The following KRTAP10-3 variants were observed in gnomAD, a reference collection of about 807,000 sequenced individuals.
KRTAP10-3 encodes the protein keratin-associated protein 10-3.
For synonymous variants in KRTAP10-3, 151 were observed against 126.2 expected, an observed-to-expected ratio of 1.20 and a Z score of -1.32; for missense variants, 341 against 293.4, an observed-to-expected ratio of 1.16 and a Z score of -1.19.
In KRTAP10-3 at chr21:44,558,158, G is replaced by T. The variant is rs1555920210; in HGVS notation, c.558C>A (p.Pro186=). The change falls in exon 1 of 1, where the codon CCC becomes CCA. Residue 186 remains proline (P), a synonymous_variant. Transcript: ENST00000391620. ...CGCAGGAGGCCGGGCGGCAGCAGCT[G>T]GGCTGGCAGGTGGAGGCAGGGGCAC... ...SCCAPASTCQ[P]SCCRPASCVS... 5.0e-6 allele frequency: 8 copies of T among 1,611,402 alleles called. No homozygotes were observed. The highest frequency in any genetic ancestry group is 1.7e-4 in the Middle Eastern group (1 of 6,054).
Position 44,557,977 on chromosome 21 carries a change from G to A in KRTAP10-3, c.*73C>T. ...CTATGGGCAGAGGAGACTCAGACAG[G>A]GCTCAGGGCTGCAAGGATTTTCGGA... On this transcript the variant is annotated 3_prime_UTR_variant, in exon 1 of 1. Transcript: ENST00000391620. 6.5e-7 allele frequency: 1 copy of A among 1,528,136 alleles called. No homozygotes were observed. Among genetic ancestry groups the A allele is most frequent in the Non-Finnish European group, 8.9e-7 (1 of 1,129,806 alleles). The allele number at this position is 1,528,136 out of a possible 1,614,324, so 94.7% of individuals were successfully genotyped here.
At position 44,558,191 on chromosome 21, in the gene KRTAP10-3, G is replaced by C; in HGVS notation, c.525C>G (p.Pro175=). 1 of 1,552,174 alleles carries C rather than the reference G, an allele frequency of 6.4e-7. No homozygotes were observed. Among genetic ancestry groups the C allele is most frequent in the East Asian group, 2.3e-5 (1 of 42,694 alleles). The change falls in exon 1 of 1, where the codon CCC becomes CCG. Residue 175 remains proline (P), a synonymous_variant. Transcript: ENST00000391620. ...VCRSTCCVPI[P]SCCAPASTCQ... ...AGGTGGAGGCAGGGGCACAGCAGGA[G>C]GGGATGGGCACACAGCAGGTGGACC...
rs377599185 is a variant in KRTAP10-3 at position 44,558,627 on chromosome 21, G to C, written c.89C>G (p.Pro30Arg). The change falls in exon 1 of 1, where the codon CCC (proline) becomes CGC (arginine). Residue 30 changes from proline to arginine, a missense_variant. Physicochemically the swap from Pro to Arg is moderately radical, Grantham distance 103. Transcript: ENST00000391620. ...DACPESCCEP[P>R]CCATSCCAPA... ...GGCGCAGCAGCTGGTGGCGCAGCAG[G>C]GGGGCTCACAGCAGCTCTCTGGGCA... is the stretch of plus-strand genomic sequence containing the variant. 3.7e-6 allele frequency: 6 copies of C among 1,611,448 alleles called. No homozygotes were observed. The highest frequency in any genetic ancestry group is 5.1e-6 in the Non-Finnish European group (6 of 1,178,912).
In KRTAP10-3 at chr21:44,558,090, G is replaced by A. The variant is rs76994627; in HGVS notation, c.626C>T (p.Ala209Val). ...CRPTCSRLSS[A>V]CCGLSSGQKS... ...CTGGCCTGAGGAGAGGCCGCAGCAC[G>A]CGGAAGAGAGGCGGGAGCACGTGGG... Residue 209 changes from alanine (A) to valine (V), a missense_variant, in exon 1 of 1, where the codon GCG becomes GTG. Ala to Val is a moderately conservative substitution (Grantham distance 64). Transcript: ENST00000391620. 1.3e-3 allele frequency: 2,076 copies of A among 1,612,522 alleles called. 39 individuals are homozygous for A. The African/African-American group carries it at 0.025, about 19-fold the overall frequency.
chr21:44,557,908 G>A lies in KRTAP10-3; in HGVS notation c.*142C>T, dbSNP rs1462428712. On this transcript the variant is annotated 3_prime_UTR_variant, in exon 1 of 1. Coordinates refer to ENST00000391620, the MANE Select transcript of KRTAP10-3 (RefSeq NM_198696.3). The stretch of plus-strand genomic sequence containing the variant: ...TGTGGGAGAGATGCATGCCTGGAGG[G>A]AATCGGCATGAAAGCTCAGCATTGC... 6.1e-6 allele frequency: 6 copies of A among 980,808 alleles called. No individual in the cohort carries two copies. In the East Asian group the frequency reaches 1.6e-4, roughly 26 times the overall value. The allele number at this position is 980,808 out of a possible 1,614,324, so 60.8% of individuals were successfully genotyped here. A position where few individuals can be genotyped will look rare whatever the true frequency, so the allele number is the denominator to read the frequency against.
In KRTAP10-3 at chr21:44,558,549, G is replaced by T. The variant is rs782243554; in HGVS notation, c.167C>A (p.Pro56His). ...VCTPVSCVSS[P>H]CCQAACEPSP... ...GGGCTCACAGGCCGCCTGGCAGCAG[G>T]GGCTGGACACACAGCTCACTGGGGT... Residue 56 changes from proline to histidine, a missense_variant, in exon 1 of 1, where the codon CCC becomes CAC. Pro to His is a moderately conservative substitution (Grantham distance 77, BLOSUM62 -2). Transcript: ENST00000391620. The T allele has an allele frequency of 8.1e-6, 13 of 1,613,252 alleles. No homozygotes were observed. Among genetic ancestry groups the T allele is most frequent in the African/African-American group, 1.3e-5 (1 of 74,886 alleles).
At position 44,558,597 on chromosome 21, in the gene KRTAP10-3, G is replaced by A; in HGVS notation, c.119C>T (p.Ala40Val). 1 of 1,611,796 alleles carries A rather than the reference G, an allele frequency of 6.2e-7. No homozygotes were observed. Among genetic ancestry groups the A allele is most frequent in the Non-Finnish European group, 8.5e-7 (1 of 1,179,016 alleles). The change falls in exon 1 of 1, where the codon GCC (alanine) becomes GTC (valine). Residue 40 changes from alanine to valine, a missense_variant. Coordinates refer to ENST00000391620, the MANE Select transcript of KRTAP10-3 (RefSeq NM_198696.3). ...GGTGCAGACCAGGGTCAGGCAGGGG[G>A]CCGGGGCGCAGCAGCTGGTGGCGCA... Reference protein sequence around the residue: ...PCCATSCCAPAPCLTLVCTPV... With the variant: ...PCCATSCCAPVPCLTLVCTPV...
In KRTAP10-3 at chr21:44,558,774, T is replaced by C. The variant is rs1307255540; in HGVS notation, c.-59A>G. The C allele has an allele frequency of 4.6e-5, 71 of 1,544,740 alleles. No homozygotes were observed. Among genetic ancestry groups the C allele is most frequent in the Non-Finnish European group, 6.0e-5 (68 of 1,142,710 alleles). ...GTGAGTGAGTGAGTGTGGGAGTGAG[T>C]GAGGGAGTGAGTGAGTGATCGTGCC... On this transcript the variant is annotated 5_prime_UTR_variant, in exon 1 of 1. Transcript: ENST00000391620.
In KRTAP10-3 at chr21:44,558,096, G is replaced by A. The variant is rs587627364; in HGVS notation, c.620C>T (p.Ser207Phe). 1 of 1,609,036 alleles carries A rather than the reference G, an allele frequency of 6.2e-7. No homozygotes were observed. Among genetic ancestry groups the A allele is most frequent in the African/African-American group, 1.3e-5 (1 of 74,914 alleles). The change falls in exon 1 of 1, where the codon TCT becomes TTT. Residue 207 changes from serine to phenylalanine, a missense_variant. Transcript: ENST00000391620. Reference sequence around the variant, plus strand: ...TGAGGAGAGGCCGCAGCACGCGGAAGAGAGGCGGGAGCACGTGGGGCGGCA... The same window carrying A: ...TGAGGAGAGGCCGCAGCACGCGGAAAAGAGGCGGGAGCACGTGGGGCGGCA... ...LLCRPTCSRL[S>F]SACCGLSSGQ...
rs587674129 is a variant in KRTAP10-3 at position 44,558,536 on chromosome 21, C to T, written c.180G>A (p.Ala60=). The T allele has an allele frequency of 7.3e-4, 1,175 of 1,613,170 alleles. No homozygotes were observed. The highest frequency in any genetic ancestry group is 8.9e-4 in the Non-Finnish European group (1,051 of 1,179,758). The change falls in exon 1 of 1, where the codon GCG becomes GCA. Residue 60 remains alanine (A), a synonymous_variant. Coordinates refer to ENST00000391620, the MANE Select transcript of KRTAP10-3 (RefSeq NM_198696.3). ...VSCVSSPCCQ[A]ACEPSPCQSG... ...ACTGGCAGGGGCTGGGCTCACAGGCCGCCTGGCAGCAGGGGCTGGACACAC... is the reference window on the plus strand; with the variant it reads ...ACTGGCAGGGGCTGGGCTCACAGGCTGCCTGGCAGCAGGGGCTGGACACAC...
At position 44,558,103 on chromosome 21, in the gene KRTAP10-3, G is replaced by A. The variant is rs782637638; in HGVS notation, c.613C>T (p.Arg205Cys). 9.3e-6 allele frequency: 15 copies of A among 1,610,996 alleles called. No individual in the cohort carries two copies. The highest frequency in any genetic ancestry group is 2.7e-5 in the African/African-American group (2 of 74,904). ...VSLLCRPTCSRLSSACCGLSS... is the reference protein window; with the variant it reads ...VSLLCRPTCSCLSSACCGLSS... ...AGGCCGCAGCACGCGGAAGAGAGGC[G>A]GGAGCACGTGGGGCGGCAGAGGAGG... Residue 205 changes from arginine to cysteine, a missense_variant, in exon 1 of 1, where the codon CGC (arginine) becomes TGC (cysteine). By Grantham distance (180) the Arg-to-Cys change is radical. Transcript: ENST00000391620.
chr21:44,558,088 A>G lies in KRTAP10-3; in HGVS notation c.628T>C (p.Cys210Arg). The G allele has an allele frequency of 6.2e-7, 1 of 1,612,540 alleles. No individual in the cohort carries two copies. The highest frequency in any genetic ancestry group is 8.5e-7 in the Non-Finnish European group (1 of 1,179,078). Reference protein sequence around the residue: ...RPTCSRLSSACCGLSSGQKSS... With the variant: ...RPTCSRLSSARCGLSSGQKSS... ...TTCTGGCCTGAGGAGAGGCCGCAGC[A>G]CGCGGAAGAGAGGCGGGAGCACGTG... Residue 210 changes from cysteine (C) to arginine (R), a missense_variant, in exon 1 of 1, where the codon TGC becomes CGC. Cys to Arg is a radical substitution (Grantham distance 180). Transcript: ENST00000391620.
Position 44,557,950 on chromosome 21 carries a change from G to A in KRTAP10-3, c.*100C>T. ...CAGCATTGCTGGCTGGAGGTGCAGT[G>A]GCTATGGGCAGAGGAGACTCAGACA... On this transcript the variant is annotated 3_prime_UTR_variant, in exon 1 of 1. Coordinates refer to ENST00000391620, the MANE Select transcript of KRTAP10-3 (RefSeq NM_198696.3). 7.3e-7 allele frequency: 1 copy of A among 1,362,320 alleles called. No homozygotes were observed. Among genetic ancestry groups the A allele is most frequent in the Non-Finnish European group, 1.0e-6 (1 of 997,636 alleles). 84.4% of individuals were successfully genotyped at this position (1,362,320 alleles called of 1,614,324 possible). A position where few individuals can be genotyped will look rare whatever the true frequency, so the allele number is the denominator to read the frequency against.
Position 44,558,400 on chromosome 21 carries a change from T to C in KRTAP10-3, c.316A>G (p.Lys106Glu). 1.2e-6 allele frequency: 2 copies of C among 1,612,890 alleles called. No homozygotes were observed. Among genetic ancestry groups the C allele is most frequent in the Non-Finnish European group, 8.5e-7 (1 of 1,179,716 alleles). Reference sequence around the variant, plus strand: ...CAGACGGGCACACAGCAGACTGGCTTGCAGCAGACAGGCACGCAGCAGGCC... The same window carrying C: ...CAGACGGGCACACAGCAGACTGGCTCGCAGCAGACAGGCACGCAGCAGGCC... ...QQACCVPVCC[K>E]PVCCVPVCCK... Residue 106 changes from lysine (K) to glutamate (E), a missense_variant, in exon 1 of 1, where the codon AAG becomes GAG. Transcript: ENST00000391620.
chr21:44,558,168 G>A lies in KRTAP10-3; in HGVS notation c.548C>T (p.Thr183Ile), dbSNP rs782345684. ...PIPSCCAPAS[T>I]CQPSCCRPAS... ...CGGGCGGCAGCAGCTGGGCTGGCAG[G>A]TGGAGGCAGGGGCACAGCAGGAGGG... Residue 183 changes from threonine to isoleucine, a missense_variant, in exon 1 of 1, where the codon ACC (threonine) becomes ATC (isoleucine). By Grantham distance (89) the Thr-to-Ile change is moderately conservative. Transcript: ENST00000391620. 8.7e-6 allele frequency: 14 copies of A among 1,610,638 alleles called. No individual in the cohort carries two copies. The Admixed American group carries it at 1.7e-4, about 19-fold the overall frequency.
rs2053579557 is a variant in KRTAP10-3 at position 44,558,456 on chromosome 21, GGCTGGCAGCTAGACT to G, written c.245_259del (p.Gln82_Gln86del). 1 of 1,614,024 alleles carries G rather than the reference GGCTGGCAGCTAGACT, an allele frequency of 6.2e-7. No individual in the cohort carries two copies. Among genetic ancestry groups the G allele is most frequent in the African/African-American group, 1.3e-5 (1 of 74,978 alleles). ...GCAGGGGGAGGATGTGCAGCAAGCT[GGCTGGCAGCTAGACT>G]GCTGGCAGCACGAGGGCGTGCAGGA... On this transcript the variant is annotated inframe_deletion, in exon 1 of 1. Coordinates refer to ENST00000391620, the MANE Select transcript of KRTAP10-3 (RefSeq NM_198696.3).
Position 44,557,883 on chromosome 21 carries a change from T to C in KRTAP10-3, c.*167A>G. 1.3e-6 allele frequency: 1 copy of C among 772,354 alleles called. No homozygotes were observed. The highest frequency in any genetic ancestry group is 2.1e-6 in the Non-Finnish European group (1 of 486,820). 47.8% of individuals were successfully genotyped at this position (772,354 alleles called of 1,614,324 possible). ...CGGCTGGCCAGCATGGAGATGAGGGTGTGGGAGAGATGCATGCCTGGAGGG... is the reference window on the plus strand; with the variant it reads ...CGGCTGGCCAGCATGGAGATGAGGGCGTGGGAGAGATGCATGCCTGGAGGG... On this transcript the variant is annotated 3_prime_UTR_variant, in exon 1 of 1. Transcript: ENST00000391620.
rs781824047 is a variant in KRTAP10-3 at position 44,558,101 on chromosome 21, G to T, written c.615C>A (p.Arg205=). The part of the protein sequence containing the change: ...VSLLCRPTCS[R]LSSACCGLSS... Reference sequence around the variant, plus strand: ...AGAGGCCGCAGCACGCGGAAGAGAGGCGGGAGCACGTGGGGCGGCAGAGGA... The same window carrying T: ...AGAGGCCGCAGCACGCGGAAGAGAGTCGGGAGCACGTGGGGCGGCAGAGGA... Residue 205 remains arginine, a synonymous_variant, in exon 1 of 1, where the codon CGC becomes CGA. Coordinates refer to ENST00000391620, the MANE Select transcript of KRTAP10-3 (RefSeq NM_198696.3). The T allele has an allele frequency of 6.2e-7, 1 of 1,610,252 alleles. No individual in the cohort carries two copies. The highest frequency in any genetic ancestry group is 1.1e-5 in the South Asian group (1 of 90,840).
Position 44,558,764 on chromosome 21 carries a change from T to G in KRTAP10-3, c.-49A>C. 6.4e-7 allele frequency: 1 copy of G among 1,558,896 alleles called. No homozygotes were observed. On this transcript the variant is annotated 5_prime_UTR_variant, in exon 1 of 1. Coordinates refer to ENST00000391620, the MANE Select transcript of KRTAP10-3 (RefSeq NM_198696.3). ...TGGGGGAGACGTGAGTGAGTGAGTG[T>G]GGGAGTGAGTGAGGGAGTGAGTGAG...
Sources: allele counts gnomAD v4.1 joint callset, GRCh38; gene constraint gnomAD v4.1.1; transcripts MANE v1.5; gene names NCBI Gene and HGNC (gene_info 2026-07-23, HGNC 2026-07-21).